Variants in SNX9 observed in about 807,000 individuals in gnomAD.
The protein encoded by SNX9 is sorting nexin 9, also known as sorting nexin-9.
Under a neutral mutation model 89.4 loss-of-function variants are expected in SNX9, and 44 were observed. That is an observed-to-expected ratio of 0.49 (90% CI 0.39 to 0.63). The LOEUF is 0.63. Ranked by LOEUF, SNX9 falls within the 30% of genes least tolerant of loss-of-function variation. SNX9 has a pLI of 0.00. For missense variants in SNX9, 578 were observed against 736.1 expected, an observed-to-expected ratio of 0.79 and a Z score of 2.49; for synonymous variants, 236 against 247.8, an observed-to-expected ratio of 0.95 and a Z score of 0.45.
At chr6:157,836,750 C>A (rs1249450866) in intron 1 of SNX9, among the ~76,000 whole-genome samples, 1 of 152,146 alleles carries the variant, frequency 6.6e-6, no homozygotes, top group Non-Finnish European at 1.5e-5. Context: ...ACTACCATGC[C>A]TGGCTAATTT....
intron 1 of SNX9, among the ~76,000 whole-genome samples, chr6:157,865,006 A>C (rs373038670): frequency 6.6e-6 from 1 of 150,578 alleles, no homozygotes; most frequent in Non-Finnish European, 1.5e-5. Flanking sequence ...TAGCCTGGCG[A>C]CAGAGAGAGA....
intron 9 of SNX9, 94 bp from the exon 10 acceptor site, chr6:157,921,437 C>T (rs1783578824): frequency 1.5e-6 from 2 of 1,300,486 alleles, no homozygotes; most frequent in African/African-American, 3.0e-5. Flanking sequence ...TACCCAATAG[C>T]CAGTAGACAT....
At chr6:157,905,705 G>T (rs756906497) in intron 6 of SNX9, among the ~76,000 whole-genome samples, 1 of 152,210 alleles carries the variant, frequency 6.6e-6, no homozygotes, top group Non-Finnish European at 1.5e-5. Flanking sequence ...TCTGGAGAGA[G>T]CCTGTTGAAA....
intron 11 of SNX9, among the ~76,000 whole-genome samples, chr6:157,928,027 C>T (rs1443039500): frequency 6.6e-6 from 1 of 152,158 alleles, no homozygotes; most frequent in East Asian, 1.9e-4. Context: ...CTCCTCTGTA[C>T]GTATGTAATT....
intron 2 of SNX9, among the ~76,000 whole-genome samples, chr6:157,868,556 A>G (rs1583208054): frequency 6.6e-6 from 1 of 152,196 alleles, no homozygotes; most frequent in Non-Finnish European, 1.5e-5. Context: ...CAAACATAAT[A>G]TTCATTTGTG....
At position 157,823,663 on chromosome 6, in the gene SNX9, G is replaced by A. The variant is rs1436114160; in HGVS notation, c.12+217G>A. 1.3e-5 allele frequency among the ~76,000 whole-genome samples: 2 copies of A among 152,004 alleles called. No homozygotes were observed. Among genetic ancestry groups the A allele is most frequent in the African/African-American group, 4.8e-5 (2 of 41,418 alleles). ...GACAGACCACCAGGATCGCACCGGG[G>A]GACGGCGTCGGGTCTGGGCGCGGGT... On this transcript the variant is annotated intron_variant, in intron 1 of 17. Coordinates refer to ENST00000392185, the MANE Select transcript of SNX9 (RefSeq NM_016224.5). This position sits in a 1 kb window ranked among gnomAD's most constrained non-coding sequence, Gnocchi z 4.6.
At chr6:157,896,450 G>A (rs1386358822) in intron 4 of SNX9, among the ~76,000 whole-genome samples, 2 of 152,198 alleles carry the variant, frequency 1.3e-5, no homozygotes, top group East Asian at 3.8e-4. Context: ...AGTTGTTTGT[G>A]AATGTGTACA....
rs1296562731 is a variant in SNX9, at chr6:157,938,629, A to T, written c.1534-4A>T. The T allele has an allele frequency of 1.1e-5, 18 of 1,594,640 alleles. No homozygotes were observed. Among genetic ancestry groups the T allele is most frequent in the Non-Finnish European group, 1.5e-5 (17 of 1,162,940 alleles). On this transcript the variant is annotated splice_region_variant and splice_polypyrimidine_tract_variant and intron_variant, in intron 15 of 17. Coordinates refer to ENST00000392185, the MANE Select transcript of SNX9 (RefSeq NM_016224.5). ...TTCATACTGTTGCATTTTATATTTC[A>T]CAGGGAGCAATAGAAAAAGTGAAAG...
At chr6:157,877,494 G>A (rs1775652192) in intron 4 of SNX9, among the ~76,000 whole-genome samples, 2 of 152,176 alleles carry the variant, frequency 1.3e-5, no homozygotes, top group Admixed American at 1.3e-4. Flanking sequence ...CAAAATTTGG[G>A]TACATTTTGT....
chr6:157,848,474 G>A (rs1433356854), intron 1 of SNX9, among the ~76,000 whole-genome samples: 1 of 152,232 alleles, frequency 6.6e-6, no homozygotes, highest in Non-Finnish European at 1.5e-5. Context: ...AAATTTAAAA[G>A]TTTAATGATT....
At chr6:157,842,865 A>G (rs1781729822) in intron 1 of SNX9, among the ~76,000 whole-genome samples, 1 of 152,132 alleles carries the variant, frequency 6.6e-6, no homozygotes, top group Non-Finnish European at 1.5e-5. Context: ...CGAAATTGTA[A>G]TTTCTTGTAG....
chr6:157,932,249 T>C lies in SNX9; in HGVS notation c.1343T>C (p.Val448Ala), dbSNP rs1227381270. The C allele has an allele frequency of 1.2e-6, 2 of 1,614,174 alleles. No individual in the cohort carries two copies. Among genetic ancestry groups the C allele is most frequent in the South Asian group, 1.1e-5 (1 of 91,090 alleles). ...AAGGCCTTGCAGAGTTTGGCCACAG[T>C]GTTCAGTTCCAGTGGCTATCAAGGT... ...IGKALQSLAT[V>A]FSSSGYQGET... Residue 448 changes from valine (V) to alanine (A), a missense_variant, in exon 13 of 18, where the codon GTG becomes GCG. By Grantham distance (64) the Val-to-Ala change is moderately conservative. Around this residue, in one of 2 missense-constraint regions of SNX9, gnomAD observed 348 missense variants for 491.4 expected, o/e 0.71. Coordinates refer to ENST00000392185, the MANE Select transcript of SNX9 (RefSeq NM_016224.5).
At chr6:157,840,927 A>G (rs1781691155) in intron 1 of SNX9, among the ~76,000 whole-genome samples, 1 of 152,234 alleles carries the variant, frequency 6.6e-6, no homozygotes, top group African/African-American at 2.4e-5. Flanking sequence ...TGGTGGCCAC[A>G]TAGACATAAG....
chr6:157,839,284 C>G (rs1781646796), intron 1 of SNX9, among the ~76,000 whole-genome samples: 1 of 152,074 alleles, frequency 6.6e-6, no homozygotes, highest in Non-Finnish European at 1.5e-5. Flanking sequence ...ACATAAAAGC[C>G]TATTTCCCCT....
intron 1 of SNX9, among the ~76,000 whole-genome samples, chr6:157,835,778 G>T (rs1781570566): frequency 6.6e-6 from 1 of 152,008 alleles, no homozygotes. Context: ...TTTCCATCGT[G>T]GTTCATGAGG....
At chr6:157,861,667 T>C (rs1782125396) in intron 1 of SNX9, among the ~76,000 whole-genome samples, 1 of 152,222 alleles carries the variant, frequency 6.6e-6, no homozygotes, top group South Asian at 2.1e-4. Flanking sequence ...CCCCCTTTAG[T>C]GACGGGGGAT....
chr6:157,828,427 A>G (rs180855093), intron 1 of SNX9, among the ~76,000 whole-genome samples: 22 of 152,282 alleles, frequency 1.4e-4, no homozygotes, highest in Admixed American at 1.3e-3. Flanking sequence ...CTTTTCTGGA[A>G]TGCTGTTCTC....
chr6:157,944,701 A>T lies in SNX9; in HGVS notation c.*1863A>T, dbSNP rs550830984. 6.6e-6 allele frequency: 1 copy of T among 152,218 alleles called. No individual in the cohort carries two copies. The highest frequency in any genetic ancestry group is 2.4e-5 in the African/African-American group (1 of 41,450). The allele number at this position is 152,218 out of a possible 1,614,324, so 9.4% of individuals were successfully genotyped here. A position where few individuals can be genotyped will look rare whatever the true frequency, so the allele number is the denominator to read the frequency against. ...AGTGTTGCGGTCCGGGAAGCGTATCATAACCACCTGGGAGTTGCCAAGAAG... is the reference window on the plus strand; with the variant it reads ...AGTGTTGCGGTCCGGGAAGCGTATCTTAACCACCTGGGAGTTGCCAAGAAG... On this transcript the variant is annotated 3_prime_UTR_variant, in exon 18 of 18. Transcript: ENST00000392185.
At chr6:157,910,980 G>A (rs1364061614) in intron 9 of SNX9, among the ~76,000 whole-genome samples, 1 of 152,144 alleles carries the variant, frequency 6.6e-6, no homozygotes, top group Admixed American at 6.5e-5. Context: ...CGGTGTGGTG[G>A]TGTGCACCTG....
Sources: allele counts gnomAD v4.1 joint callset (sites outside exome capture counted in the v4.1 genomes callset), GRCh38; gene constraint gnomAD v4.1.1; regional missense constraint gnomAD v4.1.1; non-coding constraint Gnocchi (gnomAD v3.1); transcripts MANE v1.5; gene names NCBI Gene and HGNC (gene_info 2026-07-23, HGNC 2026-07-21).